SPEN: variants seen among roughly 807,000 people sequenced by gnomAD.
The protein encoded by SPEN is msx2-interacting protein.
SPEN carries 18 observed loss-of-function variants against 269.9 expected under a neutral mutation model. That is an observed-to-expected ratio of 0.07 (90% CI 0.05 to 0.10). The LOEUF (loss-of-function observed/expected upper bound fraction) is 0.10, where lower values mean the gene tolerates loss of function less well. Ranked by LOEUF, SPEN falls within the 10% of genes least tolerant of loss-of-function variation. The probability of loss-of-function intolerance (pLI) is 1.00; values close to 1 mark genes in which losing one functional copy is unlikely to be tolerated. For missense variants in SPEN, 3,822 were observed against 4,631.2 expected (o/e 0.83, Z 5.07); for synonymous variants, 1,726 against 1,765.7 (o/e 0.98, Z 0.56).
intron 1 of SPEN, among the ~76,000 whole-genome samples, chr1:15,862,758 A>C (rs1472801278): frequency 6.7e-6 from 1 of 149,346 alleles, no homozygotes. Context: ...TAATCCCAGC[A>C]CTTTCTGCTT....
chr1:15,886,474 G>T (rs906904275), intron 3 of SPEN, among the ~76,000 whole-genome samples: 8 of 152,194 alleles, frequency 5.3e-5, no homozygotes, highest in Admixed American at 5.2e-4. Flanking sequence ...CCTCAGTCCA[G>T]GGGCGGGGCG....
rs1205022495 is a variant in SPEN, at chr1:15,928,461, C to T, written c.2221C>T (p.Pro741Ser). The T allele has an allele frequency of 1.2e-6, 2 of 1,613,948 alleles. No individual in the cohort carries two copies. Among genetic ancestry groups the T allele is most frequent in the African/African-American group, 1.3e-5 (1 of 74,876 alleles). ...LRRPQSPGASPSQAERLPSDS... is the reference protein window; with the variant it reads ...LRRPQSPGASSSQAERLPSDS... ...ACGTCCACAGAGTCCTGGAGCGTCT[C>T]CCTCTCAGGCAGAGAGGTTGCCGAG... The change falls in exon 11 of 15, where the codon CCC becomes TCC. Residue 741 changes from proline to serine, a missense_variant. Pro to Ser is a moderately conservative substitution (Grantham distance 74, BLOSUM62 -1). Around this residue, in one of 16 missense-constraint regions of SPEN, gnomAD observed 572 missense variants for 582.6 expected, o/e 0.98. Coordinates refer to ENST00000375759, the MANE Select transcript of SPEN (RefSeq NM_015001.3). The surrounding 1 kb of genome is among the most constrained non-coding windows in gnomAD (Gnocchi z 5.7).
chr1:15,878,609 T>C (rs2070655667), intron 3 of SPEN, among the ~76,000 whole-genome samples: 1 of 152,224 alleles, frequency 6.6e-6, no homozygotes, highest in Admixed American at 6.5e-5. Flanking sequence ...TCCACTTTTT[T>C]TTCTGCATAG....
At chr1:15,861,894 T>G (rs572961560) in intron 1 of SPEN, among the ~76,000 whole-genome samples, 22 of 152,166 alleles carry the variant, frequency 1.4e-4, no homozygotes, top group African/African-American at 5.1e-4. Context: ...ATGAAAAAAT[T>G]AGCTGGGCGT....
intron 3 of SPEN, among the ~76,000 whole-genome samples, chr1:15,887,276 ATTTT>A (rs34435171): frequency 3.6e-5 from 3 of 82,298 alleles, no homozygotes; most frequent in South Asian, 4.2e-4. Flanking sequence ...CCTGGCCTGA[ATTTT>A]TTTTTTTTTT....
rs549209393 is a variant in SPEN at position 15,937,198 on chromosome 1, T to TCAGCCTGTGCAGTCCACA, written c.10070_10087dup (p.Val3357_Pro3362dup). The TCAGCCTGTGCAGTCCACA allele has an allele frequency of 3.1e-5, 50 of 1,613,448 alleles. No homozygotes were observed. The African/African-American group carries it at 5.1e-4, about 16-fold the overall frequency. On this transcript the variant is annotated inframe_insertion, in exon 12 of 15. Coordinates refer to ENST00000375759, the MANE Select transcript of SPEN (RefSeq NM_015001.3). This position sits in a 1 kb window ranked among gnomAD's most constrained non-coding sequence, Gnocchi z 5.7. ...CTGAAGGTGAGCCCCTGCAGCCTCC[T>TCAGCCTGTGCAGTCCACA]CAGCCTGTGCAGTCCACACAGCCTG... is the stretch of plus-strand genomic sequence containing the variant.
chr1:15,935,058 C>T lies in SPEN; in HGVS notation c.8818C>T (p.Pro2940Ser). 1 of 1,614,086 alleles carries T rather than the reference C, an allele frequency of 6.2e-7. No homozygotes were observed. The highest frequency in any genetic ancestry group is 8.5e-7 in the Non-Finnish European group (1 of 1,180,002). Residue 2940 changes from proline to serine, a missense_variant, in exon 11 of 15, where the codon CCT (proline) becomes TCT (serine). Physicochemically the swap from Pro to Ser is moderately conservative, Grantham distance 74. Coordinates refer to ENST00000375759, the MANE Select transcript of SPEN (RefSeq NM_015001.3). The surrounding 1 kb of genome is among the most constrained non-coding windows in gnomAD (Gnocchi z 7.7). ...TCTCACCCAGGGGATCAACACACCC[C>T]CTGTGCTGGTTCACAACCAGCTGGT... ...KVLTQGINTPPVLVHNQLVLT... is the reference protein window; with the variant it reads ...KVLTQGINTPSVLVHNQLVLT...
chr1:15,928,039 G>A lies in SPEN; in HGVS notation c.1851-52G>A, dbSNP rs2071184240. The A allele has an allele frequency of 6.9e-7, 1 of 1,442,214 alleles. No individual in the cohort carries two copies. The highest frequency in any genetic ancestry group is 1.4e-5 in the African/African-American group (1 of 69,622). 89.3% of individuals were successfully genotyped at this position (1,442,214 alleles called of 1,614,324 possible). A position where few individuals can be genotyped will look rare whatever the true frequency, so the allele number is the denominator to read the frequency against. ...TCTGATTTCATATGTATGATTTTAT[G>A]CATAAGTGATGAGGAAACAAAAGAA... On this transcript the variant is annotated intron_variant, in intron 10 of 14. Coordinates refer to ENST00000375759, the MANE Select transcript of SPEN (RefSeq NM_015001.3). The surrounding 1 kb of genome is among the most constrained non-coding windows in gnomAD (Gnocchi z 5.7).
In SPEN at chr1:15,929,160, A is replaced by G. The variant is rs764595895; in HGVS notation, c.2920A>G (p.Ser974Gly). 1.2e-5 allele frequency: 20 copies of G among 1,614,182 alleles called. No homozygotes were observed. Among genetic ancestry groups the G allele is most frequent in the Non-Finnish European group, 1.6e-5 (19 of 1,180,014 alleles). The change falls in exon 11 of 15, where the codon AGT (serine) becomes GGT (glycine). Residue 974 changes from serine to glycine, a missense_variant. Ser to Gly is a moderately conservative substitution (Grantham distance 56). Coordinates refer to ENST00000375759, the MANE Select transcript of SPEN (RefSeq NM_015001.3). This position sits in a 1 kb window ranked among gnomAD's most constrained non-coding sequence, Gnocchi z 5.8. ...GCCTGAGCAGCCTGCAGATGGGGTAAGTGCTGTGGATCTGGAGAAGCTGGA... is the reference window on the plus strand; with the variant it reads ...GCCTGAGCAGCCTGCAGATGGGGTAGGTGCTGTGGATCTGGAGAAGCTGGA... ...LKPEQPADGV[S>G]AVDLEKLEAR...
At chr1:15,864,700 A>G (rs1307322380) in intron 1 of SPEN, among the ~76,000 whole-genome samples, 2 of 145,590 alleles carry the variant, frequency 1.4e-5, no homozygotes, top group Non-Finnish European at 3.0e-5. Context: ...GCCTGGAACT[A>G]CTGGGCTCGA....
At position 15,932,024 on chromosome 1, in the gene SPEN, A is replaced by G. The variant is rs1375056867; in HGVS notation, c.5784A>G (p.Arg1928=). The change falls in exon 11 of 15, where the codon AGA becomes AGG. Residue 1928 remains arginine (R), a synonymous_variant. Coordinates refer to ENST00000375759, the MANE Select transcript of SPEN (RefSeq NM_015001.3). This position sits in a 1 kb window ranked among gnomAD's most constrained non-coding sequence, Gnocchi z 4.2. ...SPVKEPVEQP[R]VTRKRLEREL... is the part of the protein sequence containing the mutation. ...TCAAAGAGCCCGTTGAGCAACCAAG[A>G]GTGACCAGAAAGAGATTGGAGCGAG... The G allele has an allele frequency of 1.9e-6, 3 of 1,614,118 alleles. No homozygotes were observed. In the African/African-American group the frequency reaches 4.0e-5, roughly 22 times the overall value.
chr1:15,870,311 G>A (rs1405901617), intron 1 of SPEN, among the ~76,000 whole-genome samples: 2 of 152,124 alleles, frequency 1.3e-5, no homozygotes, highest in East Asian at 3.8e-4. Flanking sequence ...TTGGGTGGGT[G>A]GCTATGTAAT....
At position 15,933,251 on chromosome 1, in the gene SPEN, A is replaced by C. The variant is rs745923789; in HGVS notation, c.7011A>C (p.Arg2337=). The C allele has an allele frequency of 6.2e-7, 1 of 1,614,120 alleles. No individual in the cohort carries two copies. The highest frequency in any genetic ancestry group is 1.7e-5 in the Admixed American group (1 of 60,020). ...RKDKGRQKTT[R]SRRKRNTNKK... ...ACAAAGGGCGCCAGAAAACAACCCG[A>C]TCACGCCGCAAGCGAAACACAAACA... The change falls in exon 11 of 15, where the codon CGA becomes CGC. Residue 2337 remains arginine (R), a synonymous_variant. Coordinates refer to ENST00000375759, the MANE Select transcript of SPEN (RefSeq NM_015001.3). This position sits in a 1 kb window ranked among gnomAD's most constrained non-coding sequence, Gnocchi z 5.7.
rs1224023841 is a variant in SPEN at position 15,940,320 on chromosome 1, C to CT, written c.*894dup. 4.3e-6 allele frequency: 1 copy of CT among 233,150 alleles called. No homozygotes were observed. The highest frequency in any genetic ancestry group is 8.5e-6 in the Non-Finnish European group (1 of 117,808). 14.4% of individuals were successfully genotyped at this position (233,150 alleles called of 1,614,324 possible). On this transcript the variant is annotated 3_prime_UTR_variant, in exon 15 of 15. Coordinates refer to ENST00000375759, the MANE Select transcript of SPEN (RefSeq NM_015001.3). ...CACGGCACCTGTACAAAAAGACTGG[C>CT]TAACCCCTCTTCCTATTACCTTGAT... is the stretch of plus-strand genomic sequence containing the variant.
rs1301157817 is a variant in SPEN at position 15,935,906 on chromosome 1, C to T, written c.9666C>T (p.Ala3222=). 9 of 1,612,842 alleles carry T rather than the reference C, an allele frequency of 5.6e-6. No individual in the cohort carries two copies. Among genetic ancestry groups the T allele is most frequent in the African/African-American group, 2.7e-5 (2 of 74,858 alleles). Residue 3222 remains alanine, a synonymous_variant, in exon 11 of 15, where the codon GCC becomes GCT. Transcript: ENST00000375759. This position sits in a 1 kb window ranked among gnomAD's most constrained non-coding sequence, Gnocchi z 7.7. ...AADGVVKVPP[A]SKAPQQPGKE... ...ATGGGGTGGTGAAGGTGCCACCAGC[C>T]AGCAAGGCCCCTCAGCAGCCAGGGA...
intron 1 of SPEN, among the ~76,000 whole-genome samples, chr1:15,851,019 T>A (rs2070330534): frequency 6.6e-6 from 1 of 152,228 alleles, no homozygotes; most frequent in Non-Finnish European, 1.5e-5. Flanking sequence ...TTGTAGTAAG[T>A]GTTTGCATTT....
intron 3 of SPEN, among the ~76,000 whole-genome samples, chr1:15,893,907 C>T (rs2070813906): frequency 3.3e-5 from 5 of 152,152 alleles, no homozygotes; most frequent in Admixed American, 1.3e-4. Context: ...GGTGTGGTGG[C>T]GTGTGCCTGT....
intron 1 of SPEN, among the ~76,000 whole-genome samples, chr1:15,871,640 T>A (rs2070576283): frequency 6.6e-6 from 1 of 152,136 alleles, no homozygotes; most frequent in African/African-American, 2.4e-5. Flanking sequence ...TTTAACAGTT[T>A]TAACTCCCTG....
Position 15,937,226 on chromosome 1 carries a change from C to G in SPEN, c.10090C>G (p.Gln3364Glu). The part of the protein sequence containing the change: ...PQPVQSTQPA[Q>E]PAPPCPPSQL... ...GCCTGTGCAGTCCACACAGCCTGCC[C>G]AGCCTGCACCACCCTGCCCGCCCTC... is the stretch of plus-strand genomic sequence containing the variant. Residue 3364 changes from glutamine to glutamate, a missense_variant, in exon 12 of 15, where the codon CAG becomes GAG. Around this residue, in one of 16 missense-constraint regions of SPEN, gnomAD observed 359 missense variants for 377.3 expected, o/e 0.95. Transcript: ENST00000375759. The surrounding 1 kb of genome is among the most constrained non-coding windows in gnomAD (Gnocchi z 5.7). 6.2e-7 allele frequency: 1 copy of G among 1,613,804 alleles called. No homozygotes were observed. Among genetic ancestry groups the G allele is most frequent in the Non-Finnish European group, 8.5e-7 (1 of 1,179,998 alleles).
Sources: allele counts gnomAD v4.1 joint callset (sites outside exome capture counted in the v4.1 genomes callset), GRCh38; gene constraint gnomAD v4.1.1; regional missense constraint gnomAD v4.1.1; non-coding constraint Gnocchi (gnomAD v3.1); transcripts MANE v1.5; gene names NCBI Gene and HGNC (gene_info 2026-07-23, HGNC 2026-07-21).